Variants in HEPH observed in about 807,000 individuals in gnomAD.
HEPH encodes hephaestin.
Under a neutral mutation model 80.8 loss-of-function variants are expected in HEPH, and 69 were observed. That is an observed-to-expected ratio of 0.85 (90% confidence interval 0.70 to 1.04). The LOEUF (loss-of-function observed/expected upper bound fraction) is 1.04. Among genes scored for constraint, HEPH ranks in the 50% least tolerant of loss-of-function variants. HEPH has a pLI of 0.00. For missense variants in HEPH, 1,115 were observed against 891.3 expected (o/e 1.25, Z -3.20); for synonymous variants, 431 against 322.8 (o/e 1.34, Z -3.60).
intron 17 of HEPH, 44 bp from the exon 18 acceptor site, chrX:66,258,796 A>G (rs2091263237): frequency 1.9e-6 from 2 of 1,044,055 alleles, no homozygotes. Context: ...GAGATGTAAG[A>G]AGCTTTTTCT....
intron 4 of HEPH, among the ~76,000 whole-genome samples, chrX:66,174,924 G>A (rs1602207000): frequency 9.0e-6 from 1 of 111,419 alleles, no homozygotes; most frequent in Non-Finnish European, 1.9e-5. Context: ...TTAGTCCTTT[G>A]TCAGACGTAT....
At chrX:66,260,669 C>T (rs2091332167) in intron 19 of HEPH, among the ~76,000 whole-genome samples, 1 of 112,351 alleles carries the variant, frequency 8.9e-6, no homozygotes, top group African/African-American at 3.2e-5. Context: ...AGGAATATTG[C>T]TGATTAGTCT....
chrX:66,242,173 A>C (rs769130069), intron 15 of HEPH, among the ~76,000 whole-genome samples: 7 of 111,020 alleles, frequency 6.3e-5, no homozygotes, highest in Non-Finnish European at 9.5e-5. Flanking sequence ...AAGCAGACAC[A>C]TAGACCAATA....
Position 66,193,434 on chromosome X carries a change from T to A in HEPH, c.1233-68T>A, listed in dbSNP as rs764702843. On this transcript the variant is annotated intron_variant, in intron 7 of 20. Coordinates refer to ENST00000343002, the MANE Select transcript of HEPH (RefSeq NM_001367233.3). Reference sequence around the variant, plus strand: ...ATAAAGATTCATAACTTGGTGAGACTAAGGGTGAGATGGGAGTCTATTTGA... The same window carrying A: ...ATAAAGATTCATAACTTGGTGAGACAAAGGGTGAGATGGGAGTCTATTTGA... 9.3e-5 allele frequency: 69 copies of A among 743,663 alleles called. No homozygotes were observed. The South Asian group carries it at 1.8e-3, about 20-fold the overall frequency. 61.3% of individuals were successfully genotyped at this position (743,663 alleles called of 1,213,427 possible). A position where few individuals can be genotyped will look rare whatever the true frequency, so the allele number is the denominator to read the frequency against.
At chrX:66,250,559 T>A (rs1234349152) in intron 15 of HEPH, among the ~76,000 whole-genome samples, 2 of 111,399 alleles carry the variant, frequency 1.8e-5, no homozygotes, top group African/African-American at 3.3e-5. Context: ...TATTGTTACA[T>A]CTTTCCTAGA....
At chrX:66,261,013 G>A (rs923151898) in intron 19 of HEPH, among the ~76,000 whole-genome samples, 8 of 112,011 alleles carry the variant, frequency 7.1e-5, no homozygotes, top group Non-Finnish European at 1.5e-4. Context: ...TTCTGCAGCA[G>A]CAATCCTCCC....
intron 15 of HEPH, among the ~76,000 whole-genome samples, chrX:66,212,727 AT>A (rs1449349874): frequency 9.0e-6 from 1 of 111,372 alleles, no homozygotes; most frequent in Non-Finnish European, 1.9e-5. Flanking sequence ...CTTTTAATAT[AT>A]TTTGAAGTCA....
intron 19 of HEPH, among the ~76,000 whole-genome samples, chrX:66,262,044 T>G (rs1247992648): frequency 8.9e-6 from 1 of 112,539 alleles, no homozygotes; most frequent in Non-Finnish European, 1.9e-5. Flanking sequence ...TGAGGAAGGA[T>G]AGCTCATATC....
intron 15 of HEPH, among the ~76,000 whole-genome samples, chrX:66,242,382 G>T (rs762683394): frequency 1.8e-3 from 204 of 111,815 alleles, no homozygotes; most frequent in African/African-American, 6.3e-3. Flanking sequence ...ATTGATTAAA[G>T]ACTTAAATGT....
intron 20 of HEPH, among the ~76,000 whole-genome samples, chrX:66,264,080 G>C (rs1296535083): frequency 9.1e-6 from 1 of 109,660 alleles, no homozygotes; most frequent in Non-Finnish European, 1.9e-5. Context: ...TGGCATAATG[G>C]ACATTGGAGA....
intron 5 of HEPH, 57 bp downstream of exon 5, chrX:66,188,598 C>G: frequency 2.9e-6 from 3 of 1,031,806 alleles, no homozygotes; most frequent in Non-Finnish European, 4.0e-6. Context: ...AGGGTATCCA[C>G]TGGGCCTAGT....
chrX:66,257,763 A>G (rs2091229553), intron 17 of HEPH, among the ~76,000 whole-genome samples: 1 of 111,921 alleles, frequency 8.9e-6, no homozygotes, highest in African/African-American at 3.2e-5. Flanking sequence ...GAAATCCACA[A>G]TTTGGTAGAG....
rs1196511297 is a variant in HEPH at position 66,197,663 on chromosome X, G to A, written c.1502-20G>A. The A allele has an allele frequency of 8.6e-7, 1 of 1,165,560 alleles. No homozygotes were observed. The highest frequency in any genetic ancestry group is 1.2e-6 in the Non-Finnish European group (1 of 853,852). On this transcript the variant is annotated intron_variant, in intron 9 of 20. Coordinates refer to ENST00000343002, the MANE Select transcript of HEPH (RefSeq NM_001367233.3). ...TCATTCTAGTCAATCTAAGTAATGA[G>A]TCCCATATTTTCACTACAGGCTCAT... is the stretch of plus-strand genomic sequence containing the variant.
intron 13 of HEPH, among the ~76,000 whole-genome samples, chrX:66,205,600 C>A (rs752749492): frequency 1.3e-4 from 13 of 99,068 alleles, no homozygotes; most frequent in African/African-American, 4.1e-4. Context: ...ATTTTTCATG[C>A]TTTTTTTTTT....
intron 19 of HEPH, among the ~76,000 whole-genome samples, chrX:66,263,134 T>A (rs1455118696): frequency 9.0e-6 from 1 of 111,433 alleles, no homozygotes; most frequent in African/African-American, 3.3e-5. Flanking sequence ...CCAAATAATA[T>A]GAGCCTCAAA....
chrX:66,165,292 C>T (rs1427639855), intron 1 of HEPH, among the ~76,000 whole-genome samples: 2 of 111,780 alleles, frequency 1.8e-5, no homozygotes, highest in African/African-American at 6.5e-5. Flanking sequence ...CTATCACAGA[C>T]AAGAGATAGG....
intron 1 of HEPH, among the ~76,000 whole-genome samples, chrX:66,168,983 G>A (rs1226442586): frequency 8.9e-6 from 1 of 111,774 alleles, no homozygotes. Flanking sequence ...ATAGGCATAT[G>A]TATGTTCTCT....
intron 10 of HEPH, among the ~76,000 whole-genome samples, chrX:66,198,318 TACTTA>T (rs1320445217): frequency 9.0e-6 from 1 of 111,100 alleles, no homozygotes; most frequent in Non-Finnish European, 1.9e-5. Context: ...TTGGGTGAGC[TACTTA>T]ACTTCTCTTT....
At chrX:66,227,152 C>A (rs777627063) in intron 15 of HEPH, among the ~76,000 whole-genome samples, 1 of 112,115 alleles carries the variant, frequency 8.9e-6, no homozygotes, top group South Asian at 3.7e-4. Context: ...AAATGTGATA[C>A]ACCACATAAA....
Sources: gnomAD v4.1 joint callset for allele counts (sites outside exome capture counted in the v4.1 genomes callset) on GRCh38, gnomAD v4.1.1 for gene constraint, MANE v1.5 for transcripts, NCBI Gene and HGNC (gene_info 2026-07-23, HGNC 2026-07-21) for gene names.